Variants in SAMD5 observed in about 807,000 individuals in gnomAD.
The protein encoded by SAMD5 is sterile alpha motif domain containing 5, also known as sterile alpha motif domain-containing protein 5.
SAMD5 carries 13 observed loss-of-function variants against 11.3 expected under a neutral mutation model. The ratio of observed to expected loss-of-function variants is 1.15; its 90% confidence interval spans 0.75 to 1.83. SAMD5 has a LOEUF of 1.83. Among genes scored for constraint, SAMD5 ranks in the 40% most tolerant of loss-of-function variants. The probability of loss-of-function intolerance (pLI) is 0.00; values close to 1 mark genes in which losing one functional copy is unlikely to be tolerated. For synonymous variants in SAMD5, 129 were observed against 111.3 expected, an observed-to-expected ratio of 1.16 and a Z score of -1.00; for missense variants, 255 against 239.1, an observed-to-expected ratio of 1.07 and a Z score of -0.44.
At chr6:147,717,499 A>G (rs1387838356) in intron 1 of SAMD5, among the ~76,000 whole-genome samples, 2 of 152,172 alleles carry the variant, frequency 1.3e-5, no homozygotes, top group African/African-American at 4.8e-5. Flanking sequence ...AACTGGCTCA[A>G]TGGTTTTCCA....
chr6:147,754,521 C>G, the SAMD5 span, among the ~76,000 whole-genome samples: 6 of 152,128 alleles, frequency 3.9e-5, no homozygotes, highest in East Asian at 1.2e-3. Context: ...TATCTACTCA[C>G]TTTCTGGATT....
chr6:147,722,193 A>G (rs1791564316), intron 1 of SAMD5, among the ~76,000 whole-genome samples: 1 of 147,640 alleles, frequency 6.8e-6, no homozygotes, highest in South Asian at 2.2e-4. Flanking sequence ...AGAAAACCCA[A>G]CCTTGCCAAT....
At chr6:147,811,189 C>G in the SAMD5 span, among the ~76,000 whole-genome samples, 4 of 152,158 alleles carry the variant, frequency 2.6e-5, no homozygotes, top group African/African-American at 9.7e-5. Flanking sequence ...GGTTTGTTTA[C>G]TTGGGTGTAC....
At chr6:147,621,526 A>G (rs1440148807) in intron 1 of SAMD5, among the ~76,000 whole-genome samples, 1 of 152,208 alleles carries the variant, frequency 6.6e-6, no homozygotes, top group African/African-American at 2.4e-5. Context: ...ACACAGAGCT[A>G]TCCCCCATCC....
At chr6:147,799,648 A>G in the SAMD5 span, among the ~76,000 whole-genome samples, 1 of 151,442 alleles carries the variant, frequency 6.6e-6, no homozygotes, top group Admixed American at 6.6e-5. Flanking sequence ...CTCCAGGATA[A>G]TATCCTGAAG....
the SAMD5 span, among the ~76,000 whole-genome samples, chr6:147,770,443 C>T: frequency 4.6e-5 from 7 of 152,232 alleles, no homozygotes; most frequent in South Asian, 6.2e-4. Context: ...ACTGCTGACT[C>T]GGGAAATCAG....
At chr6:147,942,702 C>A in the SAMD5 span, among the ~76,000 whole-genome samples, 2 of 152,106 alleles carry the variant, frequency 1.3e-5, no homozygotes, top group African/African-American at 4.8e-5. Flanking sequence ...AGAGAATCCG[C>A]AATTAGACAG....
chr6:147,674,435 A>C (rs925676358), intron 1 of SAMD5, among the ~76,000 whole-genome samples: 2 of 152,078 alleles, frequency 1.3e-5, no homozygotes, highest in South Asian at 4.1e-4. Flanking sequence ...TAGCACAAAC[A>C]CTACACCCCT....
At chr6:147,537,058 A>C (rs1245208227) in intron 1 of SAMD5, among the ~76,000 whole-genome samples, 1 of 152,112 alleles carries the variant, frequency 6.6e-6, no homozygotes, top group East Asian at 1.9e-4. Flanking sequence ...TGATGAGGAA[A>C]TTTACCTCTG....
At chr6:147,768,700 T>C in the SAMD5 span, among the ~76,000 whole-genome samples, 3 of 152,240 alleles carry the variant, frequency 2.0e-5, no homozygotes, top group African/African-American at 7.2e-5. Flanking sequence ...GTGTGATGTT[T>C]TGATACATAT....
chr6:147,857,411 G>A, the SAMD5 span, among the ~76,000 whole-genome samples: 4 of 151,848 alleles, frequency 2.6e-5, no homozygotes, highest in African/African-American at 7.3e-5. Context: ...AGTGGCCGTG[G>A]TGGGAGGATT....
chr6:147,620,989 TGCGC>T (rs59069606), intron 1 of SAMD5, among the ~76,000 whole-genome samples: 1,809 of 55,478 alleles, frequency 0.033, 40 homozygotes, highest in African/African-American at 0.063. Context: ...TGTGTGTGTG[TGCGC>T]GCGCGCACAT....
At chr6:147,947,211 TGTATGTTACAGTA>T in the SAMD5 span, among the ~76,000 whole-genome samples, 60 of 152,308 alleles carry the variant, frequency 3.9e-4, 2 homozygotes, top group South Asian at 0.012. Context: ...TGCCTGTGGT[TGTATGTTACAGTA>T]GTTTAGGATG....
Position 147,634,960 on chromosome 6 carries a change from A to T in SAMD5, c.163-102357A>T, listed in dbSNP as rs117631413. Among the ~76,000 whole-genome samples, 854 of 152,262 alleles carry T rather than the reference A, an allele frequency of 5.6e-3. 3 individuals are homozygous for T. The highest frequency in any genetic ancestry group is 0.01 in the Non-Finnish European group (689 of 68,006). On this transcript the variant is annotated intron_variant, in intron 1 of 1. Transcript: ENST00000566741. ...GTAGTACACAGAGGACCTTTGCCTG[A>T]AGAAGAAGGCTCATAGATAGAGTGG...
chr6:147,752,331 T>G, the SAMD5 span, among the ~76,000 whole-genome samples: 1 of 152,210 alleles, frequency 6.6e-6, no homozygotes, highest in African/African-American at 2.4e-5. Context: ...CAGTTCTCAG[T>G]CTTCCTTAGG....
At chr6:147,875,162 CA>C in the SAMD5 span, among the ~76,000 whole-genome samples, 1 of 152,180 alleles carries the variant, frequency 6.6e-6, no homozygotes, top group South Asian at 2.1e-4. Flanking sequence ...CAAATTTTAA[CA>C]CTAATTCTAT....
chr6:147,585,837 A>G (rs1360855832), intron 1 of SAMD5, among the ~76,000 whole-genome samples: 1 of 152,204 alleles, frequency 6.6e-6, no homozygotes, highest in Non-Finnish European at 1.5e-5. Context: ...GAATATATAC[A>G]TACATTCACA....
rs532370534 is a variant in SAMD5, at chr6:147,563,815, C to T, written c.460-579C>T. Among the ~76,000 whole-genome samples, 8 of 152,214 alleles carry T rather than the reference C, an allele frequency of 5.3e-5. No homozygotes were observed. The South Asian group carries it at 6.2e-4, about 12-fold the overall frequency. On this transcript the variant is annotated intron_variant, in intron 1 of 1. Transcript: ENST00000367474. ...ACTTAATTAACCTCTTTCCAGCTCA[C>T]GTGCAACTATGGTTTTTACATGCCT...
chr6:147,736,882 G>A (rs1791811141), intron 1 of SAMD5, among the ~76,000 whole-genome samples: 1 of 152,034 alleles, frequency 6.6e-6, no homozygotes, highest in Non-Finnish European at 1.5e-5. Context: ...ATTGCTAACA[G>A]ATAAATACTA....
Sources: allele counts gnomAD v4.1 joint callset (sites outside exome capture counted in the v4.1 genomes callset), GRCh38; gene constraint gnomAD v4.1.1; transcripts MANE v1.5; gene names NCBI Gene and HGNC (gene_info 2026-07-23, HGNC 2026-07-21).